Variants in DNAH9 observed in about 807,000 individuals in gnomAD.
DNAH9 encodes the protein DNAH9 variant protein.
A neutral mutation model predicts 471.6 loss-of-function variants in DNAH9; 345 were observed. That is an observed-to-expected ratio of 0.73 (90% CI 0.67 to 0.80). The LOEUF (loss-of-function observed/expected upper bound fraction) is 0.80, where lower values mean the gene tolerates loss of function less well. DNAH9 is among the 30% of genes least tolerant of loss of function. The pLI, the probability that DNAH9 is intolerant of heterozygous loss-of-function variation, is 0.00. For synonymous variants in DNAH9, 2,093 were observed against 2,123.6 expected (o/e 0.99, Z 0.40); for missense variants, 5,407 against 5,609.2 (o/e 0.96, Z 1.15).
At chr17:11,739,222 C>T (rs774646392) in intron 29 of DNAH9, among the ~76,000 whole-genome samples, 185 bp downstream of exon 29, 11 of 152,146 alleles carry the variant, frequency 7.2e-5, no homozygotes, top group Non-Finnish European at 1.5e-4. Context: ...TTCTGTTCTC[C>T]TCTGTATATA....
chr17:11,621,063 T>C (rs1053856999), intron 6 of DNAH9, among the ~76,000 whole-genome samples: 1 of 152,044 alleles, frequency 6.6e-6, no homozygotes, highest in Non-Finnish European at 1.5e-5. Flanking sequence ...ATGGGCCTAA[T>C]AAAATGAAAT....
At chr17:11,701,661 TG>T (rs1345358328) in intron 24 of DNAH9, among the ~76,000 whole-genome samples, 3 of 151,660 alleles carry the variant, frequency 2.0e-5, no homozygotes, top group Non-Finnish European at 4.4e-5. Context: ...GGTGTTTTGT[TG>T]TTGTTGTTTT....
At chr17:11,703,728 A>G (rs2074644337) in intron 24 of DNAH9, among the ~76,000 whole-genome samples, 1 of 152,218 alleles carries the variant, frequency 6.6e-6, no homozygotes, top group East Asian at 1.9e-4. Flanking sequence ...TTTAAAATGT[A>G]GTGAAAGTAT....
chr17:11,604,403 T>C (rs1376238368), intron 1 of DNAH9, among the ~76,000 whole-genome samples: 1 of 152,144 alleles, frequency 6.6e-6, no homozygotes, highest in Non-Finnish European at 1.5e-5. Flanking sequence ...ACCCATTTTC[T>C]TGGGGGCTGT....
In DNAH9 at chr17:11,698,129, T is replaced by C. The variant is rs554855971; in HGVS notation, c.4873-1602T>C. 7.5e-3 allele frequency among the ~76,000 whole-genome samples: 841 copies of C among 111,880 alleles called. 13 individuals carry two copies. The highest frequency in any genetic ancestry group is 0.029 in the African/African-American group (785 of 27,322). The allele number at this position is 111,880 out of a possible 152,430, so 73.4% of individuals were successfully genotyped here. ...ATATAAAATTTAGCTATATATAATA[T>C]ATAATTATATATTAGTATTATATTA... On this transcript the variant is annotated intron_variant, in intron 22 of 68. Coordinates refer to ENST00000262442, the MANE Select transcript of DNAH9 (RefSeq NM_001372.4).
chr17:11,664,362 GC>G (rs2150720517), intron 14 of DNAH9, among the ~76,000 whole-genome samples: 2 of 152,276 alleles, frequency 1.3e-5, no homozygotes, highest in African/African-American at 4.8e-5. Context: ...AGGATTGAAT[GC>G]CAACTGCAAA....
chr17:11,906,925 C>T (rs1357877868), intron 61 of DNAH9, among the ~76,000 whole-genome samples: 1 of 152,046 alleles, frequency 6.6e-6, no homozygotes, highest in Non-Finnish European at 1.5e-5. Flanking sequence ...GGCTTAATAC[C>T]GAGGTGATGG....
chr17:11,763,717 G>T, intron 36 of DNAH9, 103 bp downstream of exon 36: 18 of 1,163,516 alleles, frequency 1.5e-5, no homozygotes, highest in East Asian at 2.5e-5. Flanking sequence ...ATGTCAGAAT[G>T]GACTTGAAAG....
chr17:11,822,646 G>A, intron 47 of DNAH9, 47 bp downstream of exon 47: 1 of 1,607,790 alleles, frequency 6.2e-7, no homozygotes, highest in Non-Finnish European at 8.5e-7. Flanking sequence ...CCAGATGAGG[G>A]TACAATGAAT....
chr17:11,730,133 G>T (rs930953803), intron 28 of DNAH9, among the ~76,000 whole-genome samples: 5 of 151,930 alleles, frequency 3.3e-5, no homozygotes, highest in African/African-American at 9.7e-5. Flanking sequence ...CCTTTTTTTG[G>T]GTTTGTTCTG....
chr17:11,832,200 A>G (rs1030873621), intron 48 of DNAH9, among the ~76,000 whole-genome samples: 1 of 152,180 alleles, frequency 6.6e-6, no homozygotes, highest in Non-Finnish European at 1.5e-5. Flanking sequence ...GGGAGCCCTA[A>G]TTCTGACTGA....
chr17:11,725,768 G>T (rs902959222), intron 27 of DNAH9, among the ~76,000 whole-genome samples: 1 of 152,138 alleles, frequency 6.6e-6, no homozygotes, highest in Non-Finnish European at 1.5e-5. Context: ...TTGGGAGGCT[G>T]AGGCAGCAGA....
At chr17:11,908,863 G>A (rs1268888278) in intron 61 of DNAH9, among the ~76,000 whole-genome samples, 1 of 152,220 alleles carries the variant, frequency 6.6e-6, no homozygotes, top group Non-Finnish European at 1.5e-5. Flanking sequence ...AGCAAGACCA[G>A]TGTCTGTCAA....
In DNAH9 at chr17:11,677,036, AG is replaced by A. The variant is rs1271259177; in HGVS notation, c.3354-2720del. On this transcript the variant is annotated intron_variant, in intron 17 of 68. Transcript: ENST00000262442. ...ATAACAAGCTTCTGAAATTTGTTAA[AG>A]TTTGCCTTATTCAATATAGTATATT... 2.6e-5 allele frequency among the ~76,000 whole-genome samples: 4 copies of A among 152,186 alleles called. No homozygotes were observed. In the East Asian group the frequency reaches 7.7e-4, roughly 29 times the overall value.
chr17:11,712,670 T>C (rs1160623555), intron 26 of DNAH9, among the ~76,000 whole-genome samples: 1 of 152,128 alleles, frequency 6.6e-6, no homozygotes, highest in Non-Finnish European at 1.5e-5. Flanking sequence ...TTTCTAATGA[T>C]TAATGATGTT....
At chr17:11,872,573 C>T (rs1438022794) in intron 52 of DNAH9, among the ~76,000 whole-genome samples, 1 of 152,104 alleles carries the variant, frequency 6.6e-6, no homozygotes, top group Non-Finnish European at 1.5e-5. Context: ...CGTTCAAGAC[C>T]GGGATACCTT....
chr17:11,778,329 C>CAAAGA (rs1567795708), intron 38 of DNAH9, among the ~76,000 whole-genome samples: 13 of 48,638 alleles, frequency 2.7e-4, no homozygotes, highest in African/African-American at 5.6e-4. Context: ...GACTCCATCT[C>CAAAGA]AAAAAAAAAA....
chr17:11,810,249 G>T lies in DNAH9; in HGVS notation c.8587G>T (p.Asp2863Tyr). 6.2e-7 allele frequency: 1 copy of T among 1,612,106 alleles called. No individual in the cohort carries two copies. The highest frequency in any genetic ancestry group is 8.5e-7 in the Non-Finnish European group (1 of 1,179,180). ...CTGATATTGACCATTCCTACAGATG[G>T]ACCTGGCCAGCCTGTGTCTGAAAGC... Reference protein sequence around the residue: ...KGYQIQDFKMDLASLCLKAGV... With the variant: ...KGYQIQDFKMYLASLCLKAGV... Residue 2863 changes from aspartate (D) to tyrosine (Y), a missense_variant, in exon 45 of 69, where the codon GAC (aspartate) becomes TAC (tyrosine). Physicochemically the swap from Asp to Tyr is radical, Grantham distance 160 (BLOSUM62 -3). Coordinates refer to ENST00000262442, the MANE Select transcript of DNAH9 (RefSeq NM_001372.4).
chr17:11,680,939 G>A (rs1479455601), intron 19 of DNAH9, 50 bp downstream of exon 19: 1 of 1,509,942 alleles, frequency 6.6e-7, no homozygotes, highest in Admixed American at 1.9e-5. Context: ...TGCAGTCTTT[G>A]AGTCATGGAT....
Sources: allele counts gnomAD v4.1 joint callset (sites outside exome capture counted in the v4.1 genomes callset), GRCh38; gene constraint gnomAD v4.1.1; transcripts MANE v1.5; gene names NCBI Gene and HGNC (gene_info 2026-07-23, HGNC 2026-07-21).